Variants in CDH2 observed in about 807,000 individuals in gnomAD.
CDH2 encodes the protein cadherin-2.
In CDH2, 17 loss-of-function variants were observed where a neutral mutation model predicts 92.0. The observed-to-expected ratio is 0.18, with a 90% CI of 0.13 to 0.28. The LOEUF (loss-of-function observed/expected upper bound fraction) is 0.28, where lower values mean the gene tolerates loss of function less well. Among genes scored for constraint, CDH2 ranks in the 10% least tolerant of loss-of-function variants. The probability of loss-of-function intolerance (pLI) is 1.00; values close to 1 mark genes in which losing one functional copy is unlikely to be tolerated. For missense variants in CDH2, 862 were observed against 1,133.1 expected (o/e 0.76, Z 3.44); for synonymous variants, 419 against 415.9 (o/e 1.01, Z -0.09).
At chr18:27,965,429 G>T (rs2011510489) in intron 14 of CDH2, among the ~76,000 whole-genome samples, 1 of 152,200 alleles carries the variant, frequency 6.6e-6, no homozygotes, top group South Asian at 2.1e-4. Context: ...AAATGTTCAG[G>T]GGGAAATCAG....
At chr18:28,112,600 T>C (rs1033763550) in intron 2 of CDH2, among the ~76,000 whole-genome samples, 1 of 152,228 alleles carries the variant, frequency 6.6e-6, no homozygotes, top group South Asian at 2.1e-4. Flanking sequence ...GTTCTCATGA[T>C]CATCTTTTTA....
downstream of CDH2, among the ~76,000 whole-genome samples, chr18:27,950,415 G>GC (rs947142803): frequency 5.3e-5 from 8 of 151,952 alleles, no homozygotes; most frequent in African/African-American, 1.7e-4. Flanking sequence ...TCCTTTTGTT[G>GC]CCCTCTGCAA....
chr18:28,135,806 T>C (rs1229893271), intron 2 of CDH2, among the ~76,000 whole-genome samples: 1 of 152,206 alleles, frequency 6.6e-6, no homozygotes, highest in Non-Finnish European at 1.5e-5. Context: ...GGTCATTTCA[T>C]TAAGGTGGTC....
Position 28,146,113 on chromosome 18 carries a change from T to C in CDH2, c.172+1560A>G, listed in dbSNP as rs569639722. ...AAACTATTCAACGCGCCAAAGTAAT[T>C]AATCTTAAATCAATGGCTGCTAGTG... On this transcript the variant is annotated intron_variant, in intron 2 of 15. Transcript: ENST00000269141. 4.6e-5 allele frequency: 7 copies of C among 152,262 alleles called. No individual in the cohort carries two copies. The East Asian group carries it at 1.4e-3, about 29-fold the overall frequency. The allele number at this position is 152,262 out of a possible 1,614,324, so 9.4% of individuals were successfully genotyped here.
chr18:28,052,073 C>T (rs536208264), intron 2 of CDH2, among the ~76,000 whole-genome samples: 50 of 152,158 alleles, frequency 3.3e-4, no homozygotes, highest in African/African-American at 5.8e-4. Context: ...ATAGCCCAAA[C>T]GTAATGAATA....
At chr18:28,111,512 A>G (rs2015413118) in intron 2 of CDH2, among the ~76,000 whole-genome samples, 1 of 152,218 alleles carries the variant, frequency 6.6e-6, no homozygotes, top group Admixed American at 6.5e-5. Context: ...CTTAGAAACG[A>G]TCTATCCAAG....
intron 2 of CDH2, among the ~76,000 whole-genome samples, chr18:28,028,772 T>C (rs1324286234): frequency 6.6e-6 from 1 of 152,168 alleles, no homozygotes; most frequent in Admixed American, 6.6e-5. Context: ...AACCCCATTA[T>C]TTCTAAAGGC....
chr18:28,133,017 T>G (rs924766294), intron 2 of CDH2, among the ~76,000 whole-genome samples: 1 of 152,194 alleles, frequency 6.6e-6, no homozygotes, highest in African/African-American at 2.4e-5. Context: ...CACATTCTCC[T>G]TATCTATATC....
intron 1 of CDH2, among the ~76,000 whole-genome samples, chr18:28,164,532 G>GCTGT (rs2016351339): frequency 6.6e-6 from 1 of 152,118 alleles, no homozygotes; most frequent in Non-Finnish European, 1.5e-5. Flanking sequence ...TTTCCCAGAT[G>GCTGT]CTGTACTGGC....
At chr18:28,050,039 G>A (rs17494073) in intron 2 of CDH2, among the ~76,000 whole-genome samples, 1 of 152,096 alleles carries the variant, frequency 6.6e-6, no homozygotes, top group Non-Finnish European at 1.5e-5. Flanking sequence ...TAAGGATGAA[G>A]GCATGTGGAG....
chr18:27,941,337 G>C (rs541888247), intron 6 of CDH2, among the ~76,000 whole-genome samples: 1 of 152,058 alleles, frequency 6.6e-6, no homozygotes, highest in South Asian at 2.1e-4. Context: ...ACCTGGCCAA[G>C]TCCCACCTTT....
At chr18:28,060,102 C>G (rs1322954612) in intron 2 of CDH2, among the ~76,000 whole-genome samples, 2 of 151,992 alleles carry the variant, frequency 1.3e-5, no homozygotes, top group South Asian at 2.1e-4. Context: ...AGATAGTCTT[C>G]CTTTTAGTCA....
intron 2 of CDH2, among the ~76,000 whole-genome samples, chr18:28,039,075 T>C (rs898361608): frequency 5.3e-5 from 8 of 152,144 alleles, no homozygotes; most frequent in Admixed American, 2.0e-4. Context: ...ATAGTGAACT[T>C]TATGTGTCTT....
chr18:28,050,435 G>A lies in CDH2; in HGVS notation c.173-36526C>T, dbSNP rs17494080. ...ATACTATGTCTCAGGCACTAGAGCA[G>A]TCACTTTCTATTCATTTCATTCTTA... On this transcript the variant is annotated intron_variant, in intron 2 of 15. Transcript: ENST00000269141. Among the ~76,000 whole-genome samples, 499 of 152,120 alleles carry A rather than the reference G, an allele frequency of 3.3e-3. 1 individual carries two copies. Among genetic ancestry groups the A allele is most frequent in the African/African-American group, 0.012 (480 of 41,512 alleles).
intron 15 of CDH2, among the ~76,000 whole-genome samples, chr18:27,962,366 G>T (rs184241331): frequency 2.8e-4 from 42 of 152,242 alleles, no homozygotes; most frequent in Non-Finnish European, 4.7e-4. Flanking sequence ...ATAGAGACAG[G>T]CAACTATTCC....
At chr18:28,150,881 T>TG (rs1318082732) in intron 1 of CDH2, among the ~76,000 whole-genome samples, 1 of 152,172 alleles carries the variant, frequency 6.6e-6, no homozygotes, top group African/African-American at 2.4e-5. Context: ...TCCATAAAAT[T>TG]GTTAAAATAT....
chr18:28,078,110 G>C (rs533707010), intron 2 of CDH2, among the ~76,000 whole-genome samples: 45 of 152,118 alleles, frequency 3.0e-4, no homozygotes, highest in Non-Finnish European at 6.0e-4. Context: ...TGTCCTTCAT[G>C]CAGGACAGAT....
chr18:27,960,450 T>C (rs1416776898), intron 15 of CDH2, among the ~76,000 whole-genome samples: 1 of 152,208 alleles, frequency 6.6e-6, no homozygotes, highest in African/African-American at 2.4e-5. Flanking sequence ...TCTCTGTAGA[T>C]AGCCTGCAAG....
chr18:28,024,057 A>G (rs2013483580), intron 2 of CDH2, among the ~76,000 whole-genome samples: 1 of 146,938 alleles, frequency 6.8e-6, no homozygotes, highest in African/African-American at 2.5e-5. Flanking sequence ...ATAATCTCAT[A>G]AAGAAGGATT....
Sources: allele counts gnomAD v4.1 joint callset (sites outside exome capture counted in the v4.1 genomes callset), GRCh38; gene constraint gnomAD v4.1.1; transcripts MANE v1.5; gene names NCBI Gene and HGNC (gene_info 2026-07-23, HGNC 2026-07-21).